PRRC2C: variants seen among roughly 807,000 people sequenced by gnomAD.
The protein encoded by PRRC2C is proline rich coiled-coil 2C, also known as protein PRRC2C.
PRRC2C carries 72 observed loss-of-function variants against 317.2 expected under a neutral mutation model. That is an observed-to-expected ratio of 0.23 (90% CI 0.19 to 0.28). The LOEUF (loss-of-function observed/expected upper bound fraction) is 0.28, where lower values mean the gene tolerates loss of function less well. Among genes scored for constraint, PRRC2C ranks in the 10% least tolerant of loss-of-function variants. PRRC2C has a pLI of 1.00. For missense variants in PRRC2C, 3,074 were observed against 3,459.7 expected (o/e 0.89, Z 2.80); for synonymous variants, 1,296 against 1,205.9 (o/e 1.07, Z -1.55).
At chr1:171,518,609 T>G (rs1004090047) in intron 6 of PRRC2C, among the ~76,000 whole-genome samples, 1 of 142,148 alleles carries the variant, frequency 7.0e-6, no homozygotes, top group Non-Finnish European at 1.5e-5. Context: ...GCAATTCTTG[T>G]GCCTCCGCCT....
Position 171,524,945 on chromosome 1 carries a change from A to G in PRRC2C, c.1180A>G (p.Lys394Glu). ...ATCAGTAGCAAAAGTTCCCTATGGG[A>G]AAGGACCTTCATTTAATCAGGTTTG... is the stretch of plus-strand genomic sequence containing the variant. ...QPSVAKVPYG[K>E]GPSFNQERGT... The change falls in exon 10 of 35, where the codon AAA becomes GAA. Residue 394 changes from lysine (K) to glutamate (E), a missense_variant. Physicochemically the swap from Lys to Glu is moderately conservative, Grantham distance 56. This residue lies in a region of PRRC2C where 1,320 missense variants were observed against 1,395.7 expected (regional missense o/e 0.95). Coordinates refer to ENST00000647382, the MANE Select transcript of PRRC2C (RefSeq NM_001387844.1). 1.2e-6 allele frequency: 2 copies of G among 1,608,250 alleles called. No individual in the cohort carries two copies. Among genetic ancestry groups the G allele is most frequent in the Non-Finnish European group, 1.7e-6 (2 of 1,177,028 alleles).
chr1:171,555,566 C>G (rs954393147), intron 18 of PRRC2C, among the ~76,000 whole-genome samples: 1 of 152,154 alleles, frequency 6.6e-6, no homozygotes, highest in African/African-American at 2.4e-5. Context: ...AGAATTTTCA[C>G]CTTTTCTGCT....
At chr1:171,507,289 C>T (rs1341005440) in intron 1 of PRRC2C, among the ~76,000 whole-genome samples, 1 of 152,090 alleles carries the variant, frequency 6.6e-6, no homozygotes, top group Non-Finnish European at 1.5e-5. Flanking sequence ...GTAATTTTCA[C>T]CCACTGCTGG....
At chr1:171,586,501 A>G (rs1232229239) in intron 30 of PRRC2C, among the ~76,000 whole-genome samples, 1 of 151,864 alleles carries the variant, frequency 6.6e-6, no homozygotes, top group African/African-American at 2.4e-5. Flanking sequence ...TCACTAAGCA[A>G]AAGAAATATG....
rs188356263 is a variant in PRRC2C at position 171,551,971 on chromosome 1, T to G, written c.5127+1731T>G. On this transcript the variant is annotated intron_variant, in intron 18 of 34. Coordinates refer to ENST00000647382, the MANE Select transcript of PRRC2C (RefSeq NM_001387844.1). Reference sequence around the variant, plus strand: ...CTCTTTTTTGGTTCCATATGAACTTTAAAGTAGTTTTTTCCAATTCTGTGA... The same window carrying G: ...CTCTTTTTTGGTTCCATATGAACTTGAAAGTAGTTTTTTCCAATTCTGTGA... 4.9e-3 allele frequency among the ~76,000 whole-genome samples: 746 copies of G among 152,328 alleles called. 4 individuals carry two copies. The highest frequency in any genetic ancestry group is 0.017 in the African/African-American group (695 of 41,572).
Position 171,517,661 on chromosome 1 carries a change from C to T in PRRC2C, c.597C>T (p.Leu199=). Residue 199 remains leucine, a synonymous_variant, in exon 6 of 35, where the codon CTC becomes CTT. Coordinates refer to ENST00000647382, the MANE Select transcript of PRRC2C (RefSeq NM_001387844.1). ...CGTCATCTGATCAAGATGAAAAGCTCCCTGGCCAGGATGAAAGCACAGCTG... is the reference window on the plus strand; with the variant it reads ...CGTCATCTGATCAAGATGAAAAGCTTCCTGGCCAGGATGAAAGCACAGCTG... ...SPSSSDQDEK[L]PGQDESTAGT... 1 of 1,612,834 alleles carries T rather than the reference C, an allele frequency of 6.2e-7. No individual in the cohort carries two copies. The highest frequency in any genetic ancestry group is 8.5e-7 in the Non-Finnish European group (1 of 1,179,726).
At chr1:171,563,107 G>C (rs1683000997) in intron 20 of PRRC2C, among the ~76,000 whole-genome samples, 1 of 152,116 alleles carries the variant, frequency 6.6e-6, no homozygotes, top group Admixed American at 6.6e-5. Context: ...TATTGGTGGA[G>C]TAGTAGGGAT....
At chr1:171,564,805 A>G (rs559315885) in intron 20 of PRRC2C, among the ~76,000 whole-genome samples, 49 of 152,350 alleles carry the variant, frequency 3.2e-4, no homozygotes, top group Non-Finnish European at 6.0e-4. Flanking sequence ...CCACCCTTGT[A>G]TATGTGGTCC....
At chr1:171,546,149 G>C (rs942155537) in intron 17 of PRRC2C, among the ~76,000 whole-genome samples, 17 of 152,314 alleles carry the variant, frequency 1.1e-4, no homozygotes, top group Admixed American at 6.5e-4. Context: ...ACGAGAGGCA[G>C]TGTCACTGTG....
At position 171,558,117 on chromosome 1, in the gene PRRC2C, C is replaced by G; in HGVS notation, c.6005C>G (p.Ala2002Gly). 1.2e-6 allele frequency: 2 copies of G among 1,613,082 alleles called. No individual in the cohort carries two copies. The highest frequency in any genetic ancestry group is 1.7e-6 in the Non-Finnish European group (2 of 1,179,204). The change falls in exon 19 of 35, where the codon GCT becomes GGT. Residue 2002 changes from alanine (A) to glycine (G), a missense_variant. Transcript: ENST00000647382. Reference sequence around the variant, plus strand: ...TGGGATAACAAGGTGGCCCCACCAGCTGTGCTGAATGATATCTCTAAGAAA... The same window carrying G: ...TGGGATAACAAGGTGGCCCCACCAGGTGTGCTGAATGATATCTCTAAGAAA... ...ELWDNKVAPP[A>G]VLNDISKKLG...
At chr1:171,574,360 T>C (rs1406812762) in intron 24 of PRRC2C, among the ~76,000 whole-genome samples, 2 of 152,190 alleles carry the variant, frequency 1.3e-5, no homozygotes, top group Admixed American at 1.3e-4. Context: ...ATAGTGCTGC[T>C]CTAGATTGAA....
At position 171,540,565 on chromosome 1, in the gene PRRC2C, G is replaced by C; in HGVS notation, c.3099G>C (p.Arg1033Ser). ...LRDMKEEREQRKEKEGEKAEK... is the reference protein window; with the variant it reads ...LRDMKEEREQSKEKEGEKAEK... ...ATATGAAAGAGGAACGGGAACAGAGGAAGGAGAAAGAAGGAGAAAAGGCCG... is the reference window on the plus strand; with the variant it reads ...ATATGAAAGAGGAACGGGAACAGAGCAAGGAGAAAGAAGGAGAAAAGGCCG... The change falls in exon 16 of 35, where the codon AGG becomes AGC. Residue 1033 changes from arginine (R) to serine (S), a missense_variant. Physicochemically the swap from Arg to Ser is moderately radical, Grantham distance 110 (BLOSUM62 -1). Transcript: ENST00000647382. 6.2e-7 allele frequency: 1 copy of C among 1,613,912 alleles called. No individual in the cohort carries two copies. Among genetic ancestry groups the C allele is most frequent in the East Asian group, 2.2e-5 (1 of 44,866 alleles).
intron 1 of PRRC2C, among the ~76,000 whole-genome samples, chr1:171,496,774 CGTGTGTGTGTGTGTGTGTGT>C (rs71688813): frequency 3.4e-5 from 5 of 146,782 alleles, no homozygotes; most frequent in African/African-American, 1.0e-4. Flanking sequence ...ACATTTGGGG[CGTGTGTGTGTGTGTGTGTGT>C]GTGTGTGTGT....
In PRRC2C at chr1:171,489,817, T is replaced by G. The variant is rs137863973; in HGVS notation, c.-58+4082T>G. Among the ~76,000 whole-genome samples the G allele has an allele frequency of 2.2e-3, 337 of 152,356 alleles. 1 individual carries two copies. Among genetic ancestry groups the G allele is most frequent in the African/African-American group, 7.8e-3 (326 of 41,588 alleles). On this transcript the variant is annotated intron_variant, in intron 1 of 34. Coordinates refer to ENST00000647382, the MANE Select transcript of PRRC2C (RefSeq NM_001387844.1). ...TCCTAGTGGCCAGTATTTTCCAAAC[T>G]TAAATCATTCACAATTTCTGCTTCG...
rs367987801 is a variant in PRRC2C at position 171,498,196 on chromosome 1, C to G, written c.-58+12461C>G. Among the ~76,000 whole-genome samples, 57 of 152,168 alleles carry G rather than the reference C, an allele frequency of 3.7e-4. 2 individuals carry two copies. In the South Asian group the frequency reaches 0.012, roughly 31 times the overall value. On this transcript the variant is annotated intron_variant, in intron 1 of 34. Transcript: ENST00000647382. ...GAAATCACCAGTCCTTTCTGCTCTC[C>G]TCCTCATTCTCTTCTGACTTCCTCT... is the stretch of plus-strand genomic sequence containing the variant.
chr1:171,558,316 A>G (rs991607085), intron 19 of PRRC2C, among the ~76,000 whole-genome samples, 173 bp downstream of exon 19: 1 of 152,238 alleles, frequency 6.6e-6, no homozygotes, highest in Non-Finnish European at 1.5e-5. Context: ...AAGCATGTTT[A>G]ACAAGCATAT....
chr1:171,510,167 G>A (rs567764467), intron 1 of PRRC2C: 238 of 152,218 alleles, frequency 1.6e-3, no homozygotes, highest in Non-Finnish European at 2.7e-3. Context: ...ATGGTTCTGC[G>A]AACCGCAGTA....
At chr1:171,538,058 G>A (rs1677179589) in intron 15 of PRRC2C, among the ~76,000 whole-genome samples, 1 of 151,978 alleles carries the variant, frequency 6.6e-6, no homozygotes, top group East Asian at 1.9e-4. Flanking sequence ...CCGCCACCAC[G>A]CCCAGCTAAA....
In PRRC2C at chr1:171,523,295, A is replaced by T. The variant is rs1673956861; in HGVS notation, c.908A>T (p.Glu303Val). The T allele has an allele frequency of 6.2e-6, 10 of 1,613,918 alleles. No individual in the cohort carries two copies. The highest frequency in any genetic ancestry group is 8.5e-6 in the Non-Finnish European group (10 of 1,179,868). ...CGCCCATCCATTCTTAGTGCATCAG[A>T]ACTGAAGGAGCTTGATAAATTTGAT... ...PERPSILSAS[E>V]LKELDKFDNL... Residue 303 changes from glutamate to valine, a missense_variant, in exon 8 of 35, where the codon GAA becomes GTA. Glu to Val is a moderately radical substitution (Grantham distance 121). Around this residue, in one of 11 missense-constraint regions of PRRC2C, gnomAD observed 50 missense variants for 88.3 expected, o/e 0.57. Transcript: ENST00000647382.
Sources: gnomAD v4.1 joint callset for allele counts (sites outside exome capture counted in the v4.1 genomes callset) on GRCh38, gnomAD v4.1.1 for gene constraint, gnomAD v4.1.1 regional missense constraint, MANE v1.5 for transcripts, NCBI Gene and HGNC (gene_info 2026-07-23, HGNC 2026-07-21) for gene names.